Variants in SNRPD3 observed in about 807,000 individuals in gnomAD.
The protein encoded by SNRPD3 is small nuclear ribonucleoprotein Sm D3.
For synonymous variants in SNRPD3, 66 were observed against 58.4 expected (o/e 1.13, Z -0.59); for missense variants, 73 against 167.5 (o/e 0.44, Z 3.11).
At chr22:24,561,868 A>C (rs2045147278) in intron 2 of SNRPD3, among the ~76,000 whole-genome samples, 1 of 149,320 alleles carries the variant, frequency 6.7e-6, no homozygotes, top group Non-Finnish European at 1.5e-5. Context: ...ATGTGGTGGC[A>C]CATGCCTGTA....
chr22:24,566,477 G>A (rs1245152396), intron 2 of SNRPD3, among the ~76,000 whole-genome samples: 4 of 152,028 alleles, frequency 2.6e-5, no homozygotes, highest in Admixed American at 2.6e-4. Context: ...GCCCAGGCTG[G>A]TCTCAAACTC....
chr22:24,565,508 C>T (rs1160559198), intron 2 of SNRPD3, among the ~76,000 whole-genome samples: 1 of 152,084 alleles, frequency 6.6e-6, no homozygotes, highest in African/African-American at 2.4e-5. Flanking sequence ...GTTGAGGGAA[C>T]GGAGGCTCAG....
chr22:24,558,759 T>G (rs1159148103), intron 2 of SNRPD3, among the ~76,000 whole-genome samples: 1 of 152,128 alleles, frequency 6.6e-6, no homozygotes, highest in African/African-American at 2.4e-5. Context: ...TTTGAGGAAA[T>G]CTCAGCAAGG....
intron 2 of SNRPD3, among the ~76,000 whole-genome samples, chr22:24,567,100 T>G (rs1226769402): frequency 6.6e-6 from 1 of 152,190 alleles, no homozygotes; most frequent in Non-Finnish European, 1.5e-5. Context: ...TTACAGGCCT[T>G]GTGGTACCAC....
At chr22:24,557,225 G>A (rs1306797036) in intron 1 of SNRPD3, among the ~76,000 whole-genome samples, 1 of 152,092 alleles carries the variant, frequency 6.6e-6, no homozygotes, top group Admixed American at 6.6e-5. Flanking sequence ...CTGCTGTATT[G>A]GACAGCTCGG....
intron 1 of SNRPD3, among the ~76,000 whole-genome samples, chr22:24,557,038 C>G (rs2045079359): frequency 6.6e-6 from 1 of 152,188 alleles, no homozygotes; most frequent in Non-Finnish European, 1.5e-5. Flanking sequence ...AGCCTGCTCT[C>G]CTAGATGTGC....
chr22:24,558,062 G>T (rs1468920191), intron 2 of SNRPD3: 6 of 276,638 alleles, frequency 2.2e-5, no homozygotes, highest in Non-Finnish European at 3.4e-5. Flanking sequence ...CAAATATGGG[G>T]GTCTATTTGG....
intron 2 of SNRPD3, among the ~76,000 whole-genome samples, chr22:24,559,225 G>A (rs984968444): frequency 4.6e-5 from 7 of 152,148 alleles, no homozygotes; most frequent in Admixed American, 1.3e-4. Context: ...ATCTTCCTGC[G>A]AGGTTGACAA....
upstream of SNRPD3, chr22:24,555,690 G>C (rs1355337028): frequency 5.8e-6 from 9 of 1,550,666 alleles, no homozygotes; most frequent in South Asian, 1.2e-5. Flanking sequence ...GCTGTCCCCG[G>C]TCTGAGGGCC....
intron 2 of SNRPD3, among the ~76,000 whole-genome samples, chr22:24,563,915 A>G (rs1374482181): frequency 6.6e-6 from 1 of 152,158 alleles, no homozygotes; most frequent in Non-Finnish European, 1.5e-5. Context: ...GCCCATAACT[A>G]TTGCTAGGAA....
chr22:24,556,960 C>T (rs560114702), intron 1 of SNRPD3, among the ~76,000 whole-genome samples: 1 of 152,308 alleles, frequency 6.6e-6, no homozygotes, highest in East Asian at 1.9e-4. Flanking sequence ...CACGTTGTCA[C>T]TTTGATATTT....
At chr22:24,559,281 C>G (rs1357277029) in intron 2 of SNRPD3, among the ~76,000 whole-genome samples, 2 of 152,136 alleles carry the variant, frequency 1.3e-5, no homozygotes, top group Non-Finnish European at 2.9e-5. Flanking sequence ...TCTGGTGACT[C>G]AGGTTTATTG....
At chr22:24,567,144 A>G (rs2147127681) in intron 2 of SNRPD3, among the ~76,000 whole-genome samples, 1 of 152,320 alleles carries the variant, frequency 6.6e-6, no homozygotes, top group African/African-American at 2.4e-5. Context: ...CTCAACCTAG[A>G]GGGTTCTGTC....
chr22:24,555,702 A>C (rs1281397026), upstream of SNRPD3: 4 of 1,550,552 alleles, frequency 2.6e-6, no homozygotes, highest in Non-Finnish European at 2.6e-6. Flanking sequence ...CTGAGGGCCC[A>C]AGCCCCGCGT....
At chr22:24,561,247 A>G (rs956620948) in intron 2 of SNRPD3, among the ~76,000 whole-genome samples, 1 of 150,158 alleles carries the variant, frequency 6.7e-6, no homozygotes, top group Non-Finnish European at 1.5e-5. Context: ...TAATTTTTAA[A>G]TTTTTTTGTA....
At position 24,574,039 on chromosome 22, in the gene SNRPD3, G is replaced by C. The variant is rs151311682; in HGVS notation, c.*2062G>C. Among the ~76,000 whole-genome samples, 4 of 152,304 alleles carry C rather than the reference G, an allele frequency of 2.6e-5. No individual in the cohort carries two copies. The highest frequency in any genetic ancestry group is 5.9e-5 in the Non-Finnish European group (4 of 68,028). On this transcript the variant is annotated 3_prime_UTR_variant, in exon 4 of 4. Coordinates refer to ENST00000215829, the MANE Select transcript of SNRPD3 (RefSeq NM_004175.5). ...GTAATTCTTAAGTATTCTATCTTAA[G>C]TAGACCTAAAGCCGTATTTTGACCC...
chr22:24,561,537 G>A (rs1032014518), intron 2 of SNRPD3, among the ~76,000 whole-genome samples: 4 of 152,138 alleles, frequency 2.6e-5, no homozygotes, highest in Admixed American at 6.5e-5. Flanking sequence ...CCAGCAGACT[G>A]TGGCGTAGCT....
At chr22:24,556,673 C>T (rs989796610) in intron 1 of SNRPD3, among the ~76,000 whole-genome samples, 1 of 152,212 alleles carries the variant, frequency 6.6e-6, no homozygotes, top group Admixed American at 6.5e-5. Context: ...TAAATAAATG[C>T]TGCTATCTTT....
chr22:24,569,928 C>T (rs186770552), intron 3 of SNRPD3, among the ~76,000 whole-genome samples: 1 of 152,350 alleles, frequency 6.6e-6, no homozygotes, highest in South Asian at 2.1e-4. Flanking sequence ...AGTTCTTGTT[C>T]ACCTTCCTGT....
Sources: gnomAD v4.1 joint callset for allele counts (sites outside exome capture counted in the v4.1 genomes callset) on GRCh38, gnomAD v4.1.1 for gene constraint, MANE v1.5 for transcripts, NCBI Gene and HGNC (gene_info 2026-07-23, HGNC 2026-07-21) for gene names.